Variants in SLC25A33 observed in about 807,000 individuals in gnomAD.
SLC25A33 encodes solute carrier family 25 member 33.
SLC25A33 carries 15 observed loss-of-function variants against 35.5 expected under a neutral mutation model. That is an observed-to-expected ratio of 0.42 (90% CI 0.28 to 0.65). The LOEUF is 0.65. Ranked by LOEUF, SLC25A33 falls within the 30% of genes least tolerant of loss-of-function variation. The pLI is 0.20. For missense variants in SLC25A33, 257 were observed against 398.5 expected (o/e 0.64, Z 3.02); for synonymous variants, 136 against 148.7 (o/e 0.91, Z 0.62).
chr1:9,556,681 C>CTGTGTGTG lies in SLC25A33; in HGVS notation c.236+2888_236+2895dup, dbSNP rs139323135. Among the ~76,000 whole-genome samples, 751 of 149,466 alleles carry CTGTGTGTG rather than the reference C, an allele frequency of 5.0e-3. 11 individuals are homozygous for CTGTGTGTG. The highest frequency in any genetic ancestry group is 0.024 in the Admixed American group (357 of 14,908). On this transcript the variant is annotated intron_variant, in intron 2 of 6. Transcript: ENST00000302692. Reference sequence around the variant, plus strand: ...TAAGAGATTGTGTGTGTGTCTGTGTCTGTGTGTGTGTGTGTGTGTCTGTGT... The same window carrying CTGTGTGTG: ...TAAGAGATTGTGTGTGTGTCTGTGTCTGTGTGTGTGTGTGTGTGTGTGTGTGTCTGTGT...
intron 1 of SLC25A33, among the ~76,000 whole-genome samples, chr1:9,540,068 G>T (rs889268058): frequency 6.6e-6 from 1 of 151,956 alleles, no homozygotes; most frequent in East Asian, 1.9e-4. Context: ...GTCCAGCCTG[G>T]ACGCTGTGGC....
At chr1:9,556,705 GTGTGTGTC>G (rs982741863) in intron 2 of SLC25A33, among the ~76,000 whole-genome samples, 50 of 151,866 alleles carry the variant, frequency 3.3e-4, no homozygotes, top group East Asian at 1.9e-3. Flanking sequence ...GTGTGTCTGT[GTGTGTGTC>G]TGTGTGTCTG....
chr1:9,540,516 C>T (rs1166609458), intron 1 of SLC25A33, among the ~76,000 whole-genome samples: 4 of 151,926 alleles, frequency 2.6e-5, no homozygotes. Flanking sequence ...TACCCCTCGC[C>T]ACCTCCCCTT....
At chr1:9,541,286 TGGGACTACA>T (rs1351491121) in intron 1 of SLC25A33, among the ~76,000 whole-genome samples, 1 of 151,742 alleles carries the variant, frequency 6.6e-6, no homozygotes, top group Admixed American at 6.6e-5. Context: ...CCCGAGTAGC[TGGGACTACA>T]GGCACCCGCC....
chr1:9,563,761 A>G (rs1004104760), intron 2 of SLC25A33, among the ~76,000 whole-genome samples: 1 of 151,510 alleles, frequency 6.6e-6, no homozygotes, highest in Non-Finnish European at 1.5e-5. Context: ...CCCGGGCTGG[A>G]GTACAGTGGC....
rs1476782467 is a variant in SLC25A33 at position 9,573,160 on chromosome 1, AATAG to A, written c.416-183_416-180del. On this transcript the variant is annotated intron_variant, in intron 4 of 6. Transcript: ENST00000302692. ...AATTTATTTTAGATCCAGCAATACC[AATAG>A]ATGTTACACTTAATGGGGAAACTGA... Among the ~76,000 whole-genome samples, 4 of 152,326 alleles carry A rather than the reference AATAG, an allele frequency of 2.6e-5. No individual in the cohort carries two copies. The East Asian group carries it at 7.7e-4, about 29-fold the overall frequency.
At chr1:9,541,377 CTGACCTCG>C (rs1643078969) in intron 1 of SLC25A33, among the ~76,000 whole-genome samples, 1 of 152,140 alleles carries the variant, frequency 6.6e-6, no homozygotes, top group Non-Finnish European at 1.5e-5. Context: ...TCTCGATCTC[CTGACCTCG>C]TGATCCGCCC....
intron 2 of SLC25A33, among the ~76,000 whole-genome samples, chr1:9,554,780 A>G (rs1034606304): frequency 6.6e-6 from 1 of 152,200 alleles, no homozygotes; most frequent in Non-Finnish European, 1.5e-5. Flanking sequence ...TTACTGTAGA[A>G]AAAATAATTC....
chr1:9,578,995 TG>T lies in SLC25A33; in HGVS notation c.483-958del, dbSNP rs1465537879. 6.6e-6 allele frequency among the ~76,000 whole-genome samples: 1 copy of T among 152,252 alleles called. No homozygotes were observed. The highest frequency in any genetic ancestry group is 1.9e-4 in the East Asian group (1 of 5,208). On this transcript the variant is annotated intron_variant, in intron 5 of 6. Transcript: ENST00000302692. The surrounding 1 kb of genome is among the most constrained non-coding windows in gnomAD (Gnocchi z 4.3). Reference sequence around the variant, plus strand: ...TAATGTTTTTATGAACATGTTTCTATGACTCTTGATACAGATGTAGCTAGTG... The same window carrying T: ...TAATGTTTTTATGAACATGTTTCTATACTCTTGATACAGATGTAGCTAGTG...
rs1394499628 is a variant in SLC25A33, at chr1:9,578,838, C to T, written c.483-1116C>T. Among the ~76,000 whole-genome samples, 1 of 152,216 alleles carries T rather than the reference C, an allele frequency of 6.6e-6. No individual in the cohort carries two copies. Among genetic ancestry groups the T allele is most frequent in the East Asian group, 1.9e-4 (1 of 5,200 alleles). On this transcript the variant is annotated intron_variant, in intron 5 of 6. Coordinates refer to ENST00000302692, the MANE Select transcript of SLC25A33 (RefSeq NM_032315.3). The surrounding 1 kb of genome is among the most constrained non-coding windows in gnomAD (Gnocchi z 4.3). ...TGAAAGCATTCCCTGTGTCTCACGG[C>T]CTTGTGACTTAATCTAGCAGATATA...
chr1:9,556,358 G>T, intron 2 of SLC25A33: 5 of 616,382 alleles, frequency 8.1e-6, no homozygotes, highest in Non-Finnish European at 1.0e-5. Flanking sequence ...TTACCCAAAA[G>T]TGTGGGTGTC....
At chr1:9,572,268 A>G (rs930810146) in intron 4 of SLC25A33, among the ~76,000 whole-genome samples, 1 of 152,124 alleles carries the variant, frequency 6.6e-6, no homozygotes, top group African/African-American at 2.4e-5. Flanking sequence ...AACTTTTGCA[A>G]AGTTAACTTA....
intron 3 of SLC25A33, among the ~76,000 whole-genome samples, chr1:9,568,678 C>T (rs914362665): frequency 2.0e-5 from 3 of 151,512 alleles, no homozygotes; most frequent in Admixed American, 6.6e-5. Flanking sequence ...GGTGAAACCC[C>T]GTCTCTACTA....
At chr1:9,558,479 C>T (rs778232000) in intron 2 of SLC25A33, among the ~76,000 whole-genome samples, 9 of 152,208 alleles carry the variant, frequency 5.9e-5, no homozygotes, top group Non-Finnish European at 1.0e-4. Flanking sequence ...GCCTCACACG[C>T]TCCATCCGGC....
intron 2 of SLC25A33, among the ~76,000 whole-genome samples, chr1:9,566,554 C>G (rs1185900473): frequency 6.6e-6 from 1 of 152,086 alleles, no homozygotes; most frequent in African/African-American, 2.4e-5. Context: ...GCACAGCTTC[C>G]TCCTGTGTTG....
chr1:9,539,847 C>A, intron 1 of SLC25A33, 100 bp downstream of exon 1: 1 of 1,114,164 alleles, frequency 9.0e-7, no homozygotes, highest in Non-Finnish European at 1.1e-6. Context: ...TACCGGCCTT[C>A]CCCGGGCTAC....
chr1:9,553,111 C>T (rs527970099), intron 1 of SLC25A33, among the ~76,000 whole-genome samples: 32 of 136,620 alleles, frequency 2.3e-4, no homozygotes, highest in Non-Finnish European at 4.0e-4. Context: ...TGGCTGGTCT[C>T]GAACTCCTGA....
chr1:9,553,734 T>C lies in SLC25A33; in HGVS notation c.165T>C (p.His55=), dbSNP rs762649372. 1 of 1,614,172 alleles carries C rather than the reference T, an allele frequency of 6.2e-7. No homozygotes were observed. The highest frequency in any genetic ancestry group is 8.5e-7 in the Non-Finnish European group (1 of 1,180,018). Residue 55 remains histidine (H), a synonymous_variant, in exon 2 of 7, where the codon CAT becomes CAC. Coordinates refer to ENST00000302692, the MANE Select transcript of SLC25A33 (RefSeq NM_032315.3). ...GGACAGTCTACTATCCTCAGGTTCA[T>C]CTGGGGACCATTAGTGGAGCTGGAA... The part of the protein sequence containing the change: ...ALRTVYYPQV[H]LGTISGAGMV...
intron 1 of SLC25A33, among the ~76,000 whole-genome samples, chr1:9,551,137 C>CT (rs1451091124): frequency 3.3e-5 from 5 of 151,618 alleles, no homozygotes; most frequent in Non-Finnish European, 2.9e-5. Flanking sequence ...AATCCCAGCA[C>CT]TTTGGGAGGC....
Sources: gnomAD v4.1 joint callset for allele counts (sites outside exome capture counted in the v4.1 genomes callset) on GRCh38, gnomAD v4.1.1 for gene constraint, Gnocchi (gnomAD v3.1) non-coding constraint, MANE v1.5 for transcripts, NCBI Gene and HGNC (gene_info 2026-07-23, HGNC 2026-07-21) for gene names.